The following HNRNPUL1 variants were observed in gnomAD, a reference collection of about 807,000 sequenced individuals.
The protein encoded by HNRNPUL1 is heterogeneous nuclear ribonucleoprotein U-like protein 1.
HNRNPUL1 carries 14 observed loss-of-function variants against 108.5 expected under a neutral mutation model. The observed-to-expected ratio is 0.13, with a 90% CI of 0.09 to 0.20. The LOEUF (loss-of-function observed/expected upper bound fraction) is 0.20. Ranked by LOEUF, HNRNPUL1 falls within the 10% of genes least tolerant of loss-of-function variation. The pLI is 1.00. For missense variants in HNRNPUL1, 804 were observed against 1,168.3 expected (o/e 0.69, Z 4.55); for synonymous variants, 422 against 445.2 (o/e 0.95, Z 0.66).
chr19:41,279,449 C>T (rs775697575), intron 6 of HNRNPUL1, among the ~76,000 whole-genome samples: 27 of 152,100 alleles, frequency 1.8e-4, no homozygotes, highest in Non-Finnish European at 3.4e-4. Context: ...GAATCTATTC[C>T]CTTTCTGTAA....
In HNRNPUL1 at chr19:41,301,650, C is replaced by T. The variant is rs2037217927; in HGVS notation, c.1633C>T (p.Arg545Ter). 1 of 1,613,902 alleles carries T rather than the reference C, an allele frequency of 6.2e-7. No individual in the cohort carries two copies. The highest frequency in any genetic ancestry group is 8.5e-7 in the Non-Finnish European group (1 of 1,179,990). The change falls in exon 11 of 15, where the codon CGA becomes TGA. Residue 545 changes from arginine to a stop codon, truncating the protein, a stop_gained. Transcript: ENST00000392006. LOFTEE classifies it high-confidence loss of function. ...GGACCTAAAAGACCGAACAATAAAG[C>T]GAACCGACGAGGAAGGGAAGGATGT... The part of the protein sequence containing the change: ...DEDLKDRTIK[R>*]TDEEGKDVPD...
At position 41,295,772 on chromosome 19, in the gene HNRNPUL1, G is replaced by A. The variant is rs538035874; in HGVS notation, c.1518+1086G>A. The stretch of plus-strand genomic sequence containing the variant: ...TGATAAGAGTGGAGGTGGGGACAGC[G>A]TTTGGCTTTGTCAGAATGGTAGTTT... On this transcript the variant is annotated intron_variant, in intron 10 of 14. Coordinates refer to ENST00000392006, the MANE Select transcript of HNRNPUL1 (RefSeq NM_007040.6). 9.2e-5 allele frequency among the ~76,000 whole-genome samples: 14 copies of A among 152,318 alleles called. No individual in the cohort carries two copies. The East Asian group carries it at 1.9e-3, about 21-fold the overall frequency.
chr19:41,284,055 T>G (rs545154917), intron 7 of HNRNPUL1, among the ~76,000 whole-genome samples: 2 of 152,376 alleles, frequency 1.3e-5, no homozygotes, highest in African/African-American at 4.8e-5. Flanking sequence ...CAGTAAAAAG[T>G]GATCTCGCAA....
At position 41,276,371 on chromosome 19, in the gene HNRNPUL1, G is replaced by T. The variant is rs116292826; in HGVS notation, c.786+73G>T. 2,907 of 1,496,462 alleles carry T rather than the reference G, an allele frequency of 1.9e-3. 49 individuals carry two copies. The African/African-American group carries it at 0.037, about 19-fold the overall frequency. 92.7% of individuals were successfully genotyped at this position (1,496,462 alleles called of 1,614,324 possible). A position where few individuals can be genotyped will look rare whatever the true frequency, so the allele number is the denominator to read the frequency against. On this transcript the variant is annotated intron_variant, in intron 5 of 14. Coordinates refer to ENST00000392006, the MANE Select transcript of HNRNPUL1 (RefSeq NM_007040.6). ...GTAATATCCTGATACCAGCCACCTT[G>T]GTCAGAGCTGCAACTGCAAAAGAGA...
intron 6 of HNRNPUL1, chr19:41,280,857 C>A: frequency 3.3e-6 from 1 of 302,940 alleles, no homozygotes; most frequent in Non-Finnish European, 6.5e-6. Context: ...CAGCATACAG[C>A]CATTCTCCTC....
At chr19:41,305,648 C>T (rs762074088) in intron 13 of HNRNPUL1, 28 bp from the exon 14 acceptor site, 15 of 1,613,728 alleles carry the variant, frequency 9.3e-6, no homozygotes, top group Middle Eastern at 3.3e-4. Flanking sequence ...TTTCACAGAG[C>T]TTTGGCTTTT....
At chr19:41,271,996 A>G in intron 2 of HNRNPUL1, 86 bp from the exon 3 acceptor site, 1 of 1,464,582 alleles carries the variant, frequency 6.8e-7, no homozygotes. Context: ...GATCCTGCTC[A>G]CATCTCTCAA....
At chr19:41,277,859 A>AT (rs2035664410) in intron 5 of HNRNPUL1, among the ~76,000 whole-genome samples, 1 of 152,004 alleles carries the variant, frequency 6.6e-6, no homozygotes, top group African/African-American at 2.4e-5. Flanking sequence ...GATTTCAGAG[A>AT]TTTTAAAATG....
intron 1 of HNRNPUL1, chr19:41,265,006 G>C (rs2034727462): frequency 7.2e-7 from 1 of 1,391,050 alleles, no homozygotes; most frequent in East Asian, 2.9e-5. Flanking sequence ...GACACTGGGG[G>C]AGGGGCCTCT....
chr19:41,294,356 C>T lies in HNRNPUL1; in HGVS notation c.1285C>T (p.Leu429=), dbSNP rs1190249379. ...CTTGTAGATTCTGATGATGGTGGGC[C>T]TGCCTGCTGCTGGCAAGACCACATG... is the stretch of plus-strand genomic sequence containing the variant. ...AECEILMMVG[L]PAAGKTTWAI... is the part of the protein sequence containing the mutation. The change falls in exon 9 of 15, where the codon CTG becomes TTG. Residue 429 remains leucine (L), a synonymous_variant. Transcript: ENST00000392006. The surrounding 1 kb of genome is among the most constrained non-coding windows in gnomAD (Gnocchi z 4.3). The T allele has an allele frequency of 2.5e-6, 4 of 1,613,998 alleles. No homozygotes were observed. Among genetic ancestry groups the T allele is most frequent in the Non-Finnish European group, 3.4e-6 (4 of 1,180,028 alleles).
intron 7 of HNRNPUL1, among the ~76,000 whole-genome samples, chr19:41,288,667 T>C (rs1230923667): frequency 1.3e-5 from 2 of 152,248 alleles, no homozygotes; most frequent in African/African-American, 4.8e-5. Context: ...GGACATGTCG[T>C]TACTTTTGCA....
Position 41,294,499 on chromosome 19 carries a change from C to T in HNRNPUL1, c.1389+39C>T. 1 of 1,614,014 alleles carries T rather than the reference C, an allele frequency of 6.2e-7. No homozygotes were observed. Among genetic ancestry groups the T allele is most frequent in the Non-Finnish European group, 8.5e-7 (1 of 1,179,916 alleles). Reference sequence around the variant, plus strand: ...CTGGACTCTCCTTACTCACCTCCAACCTACTGAGTGCTGCCCTGCAACTAA... The same window carrying T: ...CTGGACTCTCCTTACTCACCTCCAATCTACTGAGTGCTGCCCTGCAACTAA... On this transcript the variant is annotated intron_variant, in intron 9 of 14. Transcript: ENST00000392006. The surrounding 1 kb of genome is among the most constrained non-coding windows in gnomAD (Gnocchi z 4.3).
chr19:41,265,195 G>C, intron 1 of HNRNPUL1: 2 of 1,483,504 alleles, frequency 1.3e-6, no homozygotes, highest in Non-Finnish European at 1.8e-6. Flanking sequence ...CTTGGCGGTC[G>C]TGCTAGCCCA....
intron 7 of HNRNPUL1, among the ~76,000 whole-genome samples, chr19:41,282,415 C>T (rs563035714): frequency 2.6e-5 from 4 of 152,290 alleles, no homozygotes; most frequent in East Asian, 3.9e-4. Flanking sequence ...CTCCCGACCT[C>T]AGATGATCTG....
rs1239340071 is a variant in HNRNPUL1 at position 41,292,571 on chromosome 19, C to T, written c.1266+60C>T. 3 of 1,528,498 alleles carry T rather than the reference C, an allele frequency of 2.0e-6. No homozygotes were observed. Among genetic ancestry groups the T allele is most frequent in the Non-Finnish European group, 2.7e-6 (3 of 1,112,682 alleles). 94.7% of individuals were successfully genotyped at this position (1,528,498 alleles called of 1,614,324 possible). Reference sequence around the variant, plus strand: ...GCTGCCAAGACAGAGGAGACACACACACACACACACACACAGACTTGCTGC... The same window carrying T: ...GCTGCCAAGACAGAGGAGACACACATACACACACACACACAGACTTGCTGC... On this transcript the variant is annotated intron_variant, in intron 8 of 14. Transcript: ENST00000392006. The surrounding 1 kb of genome is among the most constrained non-coding windows in gnomAD (Gnocchi z 4.1).
chr19:41,296,051 G>A (rs925858384), intron 10 of HNRNPUL1, among the ~76,000 whole-genome samples: 8 of 152,134 alleles, frequency 5.3e-5, no homozygotes, highest in East Asian at 1.9e-4. Flanking sequence ...ACTCATTGTC[G>A]TGAAAGGGAG....
At position 41,264,513 on chromosome 19, in the gene HNRNPUL1, C is replaced by G; in HGVS notation, c.10C>G (p.Arg4Gly). Residue 4 changes from arginine (R) to glycine (G), a missense_variant, in exon 1 of 15, where the codon CGC (arginine) becomes GGC (glycine). Around this residue, in one of 4 missense-constraint regions of HNRNPUL1, gnomAD observed 256 missense variants for 261.6 expected, o/e 0.98. Transcript: ENST00000392006. MDVRRLKVNELREE... is the reference protein window; with the variant it reads MDVGRLKVNELREE... ...CCCGGGGGCCCGGGCCATGGATGTGCGCCGTCTGAAGGTGAACGAACTTCG... is the reference window on the plus strand; with the variant it reads ...CCCGGGGGCCCGGGCCATGGATGTGGGCCGTCTGAAGGTGAACGAACTTCG... 1 of 1,428,496 alleles carries G rather than the reference C, an allele frequency of 7.0e-7. No individual in the cohort carries two copies. Among genetic ancestry groups the G allele is most frequent in the Non-Finnish European group, 9.2e-7 (1 of 1,088,722 alleles). The allele number at this position is 1,428,496 out of a possible 1,614,324, so 88.5% of individuals were successfully genotyped here.
Position 41,294,286 on chromosome 19 carries a change from A to G in HNRNPUL1, c.1267-52A>G. 6.2e-7 allele frequency: 1 copy of G among 1,603,112 alleles called. No individual in the cohort carries two copies. The highest frequency in any genetic ancestry group is 8.5e-7 in the Non-Finnish European group (1 of 1,172,590). On this transcript the variant is annotated intron_variant, in intron 8 of 14. Coordinates refer to ENST00000392006, the MANE Select transcript of HNRNPUL1 (RefSeq NM_007040.6). The surrounding 1 kb of genome is among the most constrained non-coding windows in gnomAD (Gnocchi z 4.3). ...TCACACTCACAGTCACCACCGAGCCAAGTGGTGCCATACCACCATGCCGCA... is the reference window on the plus strand; with the variant it reads ...TCACACTCACAGTCACCACCGAGCCGAGTGGTGCCATACCACCATGCCGCA...
intron 14 of HNRNPUL1, among the ~76,000 whole-genome samples, chr19:41,306,193 C>T (rs1431494848): frequency 3.3e-5 from 5 of 152,218 alleles, no homozygotes; most frequent in Non-Finnish European, 7.3e-5. Flanking sequence ...ATACCTGTTA[C>T]TAAATCTTTT....
Sources: allele counts gnomAD v4.1 joint callset (sites outside exome capture counted in the v4.1 genomes callset), GRCh38; gene constraint gnomAD v4.1.1; regional missense constraint gnomAD v4.1.1; non-coding constraint Gnocchi (gnomAD v3.1); transcripts MANE v1.5; gene names NCBI Gene and HGNC (gene_info 2026-07-23, HGNC 2026-07-21).